TLN2: variants seen among roughly 807,000 people sequenced by gnomAD.
TLN2 encodes the protein talin-2.
Under a neutral mutation model 294.7 loss-of-function variants are expected in TLN2, and 118 were observed. The ratio of observed to expected loss-of-function variants is 0.40; its 90% confidence interval spans 0.34 to 0.47. The LOEUF is 0.47. Among genes scored for constraint, TLN2 ranks in the 20% least tolerant of loss-of-function variants. The pLI is 0.84. For synonymous variants in TLN2, 1,431 were observed against 1,304.5 expected, an observed-to-expected ratio of 1.10 and a Z score of -2.09; for missense variants, 3,083 against 3,282.2, an observed-to-expected ratio of 0.94 and a Z score of 1.48.
intron 15 of TLN2, 47 bp downstream of exon 15, chr15:62,697,915 C>T (rs774866550): frequency 2.4e-5 from 39 of 1,592,030 alleles, no homozygotes; most frequent in Middle Eastern, 4.3e-4. Context: ...TGCTGCCTCC[C>T]GCATGCAGGG....
At chr15:62,838,112 G>A (rs1336960669) in intron 57 of TLN2, 1 of 152,208 alleles carries the variant, frequency 6.6e-6, no homozygotes, top group Non-Finnish European at 1.5e-5. Context: ...TTCTTTACCT[G>A]TCTCTAGCAG....
chr15:62,412,009 C>T (rs777353181), intron 1 of TLN2, among the ~76,000 whole-genome samples: 3 of 152,084 alleles, frequency 2.0e-5, no homozygotes, highest in East Asian at 1.9e-4. Flanking sequence ...CATGCTCTGG[C>T]GTATTTAACA....
chr15:62,814,790 A>C (rs1002729148), intron 52 of TLN2, among the ~76,000 whole-genome samples: 1 of 152,246 alleles, frequency 6.6e-6, no homozygotes, highest in Admixed American at 6.5e-5. Context: ...TCATTGTCTT[A>C]GGTCTGCTGC....
intron 35 of TLN2, among the ~76,000 whole-genome samples, chr15:62,753,401 C>G (rs1453527376): frequency 6.6e-6 from 1 of 152,170 alleles, no homozygotes; most frequent in African/African-American, 2.4e-5. Context: ...TTGTGCCTCT[C>G]CTGTCTGCCA....
At chr15:62,601,261 A>G (rs2046977761) in intron 2 of TLN2, among the ~76,000 whole-genome samples, 1 of 152,192 alleles carries the variant, frequency 6.6e-6, no homozygotes, top group South Asian at 2.1e-4. Flanking sequence ...GTTAAACATG[A>G]TACAACCCAT....
At position 62,409,450 on chromosome 15, in the gene TLN2, C is replaced by G. The variant is rs144558706; in HGVS notation, c.-238+18765C>G. Among the ~76,000 whole-genome samples the G allele has an allele frequency of 3.6e-3, 547 of 152,254 alleles. 3 individuals carry two copies. The highest frequency in any genetic ancestry group is 0.012 in the African/African-American group (516 of 41,550). ...TTTCTGGCTGTTGCAGGGTCTCATTCTGCAACAGAGATGTAATCTTAATAG... is the reference window on the plus strand; with the variant it reads ...TTTCTGGCTGTTGCAGGGTCTCATTGTGCAACAGAGATGTAATCTTAATAG... On this transcript the variant is annotated intron_variant, in intron 1 of 58. Transcript: ENST00000636159.
chr15:62,481,277 A>G (rs1225435452), intron 1 of TLN2, among the ~76,000 whole-genome samples: 1 of 151,792 alleles, frequency 6.6e-6, no homozygotes, highest in Non-Finnish European at 1.5e-5. Flanking sequence ...ACAAACTATT[A>G]ATGTTAACCA....
chr15:62,457,203 T>C (rs1202447316), intron 1 of TLN2, among the ~76,000 whole-genome samples: 5 of 152,212 alleles, frequency 3.3e-5, no homozygotes, highest in Non-Finnish European at 1.5e-5. Context: ...GTGGGCCTTC[T>C]TCCTGGTTTA....
chr15:62,708,693 G>A lies in TLN2; in HGVS notation c.2364G>A (p.Val788=). The A allele has an allele frequency of 1.9e-6, 3 of 1,613,994 alleles. No homozygotes were observed. The highest frequency in any genetic ancestry group is 2.5e-6 in the Non-Finnish European group (3 of 1,180,038). ...CCCTCCATGATCTCCTGCAGCATGT[G>A]CGGCAGTTTGCCAGCCGAGGCGAGC... ...SQALHDLLQH[V]RQFASRGEPI... The change falls in exon 21 of 59, where the codon GTG becomes GTA. Residue 788 remains valine (V), a synonymous_variant. Coordinates refer to ENST00000636159, the MANE Select transcript of TLN2 (RefSeq NM_015059.3).
chr15:62,421,322 C>T (rs2034377256), intron 1 of TLN2, among the ~76,000 whole-genome samples: 2 of 152,284 alleles, frequency 1.3e-5, no homozygotes, highest in South Asian at 4.1e-4. Flanking sequence ...AGGCATGAGT[C>T]ACTGCGCGCA....
intron 12 of TLN2, among the ~76,000 whole-genome samples, chr15:62,689,120 A>T (rs2057555639): frequency 9.6e-6 from 1 of 104,484 alleles, no homozygotes; most frequent in African/African-American, 3.8e-5. Context: ...ACCTTTTTAG[A>T]GTTTGTTTGC....
At chr15:62,737,668 A>G (rs1195502116) in intron 29 of TLN2, among the ~76,000 whole-genome samples, 2 of 152,164 alleles carry the variant, frequency 1.3e-5, no homozygotes, top group African/African-American at 2.4e-5. Context: ...AAACATTTCT[A>G]GGCAACGTGA....
chr15:62,747,463 T>C (rs979884442), intron 32 of TLN2, among the ~76,000 whole-genome samples: 1 of 152,194 alleles, frequency 6.6e-6, no homozygotes, highest in Non-Finnish European at 1.5e-5. Flanking sequence ...TTTAAAATCA[T>C]AGGCACAGTT....
chr15:62,773,105 A>G (rs950631294), intron 42 of TLN2, among the ~76,000 whole-genome samples: 14 of 107,246 alleles, frequency 1.3e-4, no homozygotes, highest in Non-Finnish European at 1.7e-4. Flanking sequence ...GAAAGCTTAC[A>G]GTGCTGACTG....
rs2035162717 is a variant in TLN2 at position 62,434,030 on chromosome 15, C to G, written c.-238+43345C>G. 2.1e-5 allele frequency among the ~76,000 whole-genome samples: 3 copies of G among 144,886 alleles called. No individual in the cohort carries two copies. In the Admixed American group the frequency reaches 2.3e-4, roughly 11 times the overall value. On this transcript the variant is annotated intron_variant, in intron 1 of 58. Coordinates refer to ENST00000636159, the MANE Select transcript of TLN2 (RefSeq NM_015059.3). ...AAAAAGATTGTCTCCCTAATTTAGG[C>G]TCATCTGTCCTCCTTTCTTTTTAAT...
At chr15:62,798,153 G>A (rs2065652117) in intron 48 of TLN2, among the ~76,000 whole-genome samples, 1 of 152,160 alleles carries the variant, frequency 6.6e-6, no homozygotes. Context: ...AGCTGCTTGT[G>A]TGGAGTGGTG....
At chr15:62,676,076 A>G (rs28404097) in intron 11 of TLN2, among the ~76,000 whole-genome samples, 11,664 of 152,254 alleles carry the variant, frequency 0.077, 1,419 homozygotes, top group African/African-American at 0.26. Flanking sequence ...CTGCAAATGG[A>G]AGCAAACCAG....
chr15:62,647,337 T>C lies in TLN2; in HGVS notation c.27T>C (p.Cys9=), dbSNP rs757129797. Residue 9 remains cysteine (C), a synonymous_variant, in exon 4 of 59, where the codon TGT becomes TGC. Coordinates refer to ENST00000636159, the MANE Select transcript of TLN2 (RefSeq NM_015059.3). Reference sequence around the variant, plus strand: ...TGGTGGCCCTGTCCTTAAAGATTTGTGTGCGCCACTGCAACGTGGTGAAGA... The same window carrying C: ...TGGTGGCCCTGTCCTTAAAGATTTGCGTGCGCCACTGCAACGTGGTGAAGA... MVALSLKI[C]VRHCNVVKTM... 6.8e-6 allele frequency: 11 copies of C among 1,614,230 alleles called. No homozygotes were observed. In the South Asian group the frequency reaches 1.2e-4, roughly 18 times the overall value.
At chr15:62,393,082 AAG>A (rs2032236050) in intron 1 of TLN2, among the ~76,000 whole-genome samples, 1 of 152,132 alleles carries the variant, frequency 6.6e-6, no homozygotes. Flanking sequence ...GCTAATTTAG[AAG>A]AGAAATCAGT....
Sources: allele counts gnomAD v4.1 joint callset (sites outside exome capture counted in the v4.1 genomes callset), GRCh38; gene constraint gnomAD v4.1.1; transcripts MANE v1.5; gene names NCBI Gene and HGNC (gene_info 2026-07-23, HGNC 2026-07-21).